The following SNTB1 variants were observed in gnomAD, a reference collection of about 807,000 sequenced individuals.
The protein encoded by SNTB1 is syntrophin beta 1.
Under a neutral mutation model 48.9 loss-of-function variants are expected in SNTB1, and 36 were observed. That is an observed-to-expected ratio of 0.74 (90% CI 0.56 to 0.97). The LOEUF (loss-of-function observed/expected upper bound fraction) is 0.97, where lower values mean the gene tolerates loss of function less well. SNTB1 is among the 50% of genes least tolerant of loss of function. The probability of loss-of-function intolerance (pLI) is 0.00; values close to 1 mark genes in which losing one functional copy is unlikely to be tolerated. For synonymous variants in SNTB1, 299 were observed against 294.6 expected (o/e 1.01, Z -0.15); for missense variants, 786 against 703.4 (o/e 1.12, Z -1.33).
intron 6 of SNTB1, 125 bp from the exon 7 acceptor site, chr8:120,539,094 C>T: frequency 1.5e-6 from 1 of 657,138 alleles, no homozygotes; most frequent in Non-Finnish European, 2.6e-6. Flanking sequence ...AGCAATTATG[C>T]TCTAAAATCA....
chr8:120,574,562 T>C (rs1815919515), intron 4 of SNTB1, among the ~76,000 whole-genome samples: 1 of 152,152 alleles, frequency 6.6e-6, no homozygotes, highest in Non-Finnish European at 1.5e-5. Context: ...ATATTTCACA[T>C]GAATAATAAA....
chr8:120,746,109 G>C (rs1819121689), intron 1 of SNTB1, among the ~76,000 whole-genome samples: 2 of 152,160 alleles, frequency 1.3e-5, no homozygotes, highest in Non-Finnish European at 2.9e-5. Context: ...GGTTTGAACT[G>C]CATAGGTTCA....
At chr8:120,732,175 T>C (rs1051582584) in intron 1 of SNTB1, among the ~76,000 whole-genome samples, 16 of 152,310 alleles carry the variant, frequency 1.1e-4, no homozygotes, top group African/African-American at 3.1e-4. Flanking sequence ...GACTTGCGGG[T>C]AAATCGGCTA....
At chr8:120,640,328 G>A (rs1279939507) in intron 2 of SNTB1, among the ~76,000 whole-genome samples, 3 of 152,120 alleles carry the variant, frequency 2.0e-5, no homozygotes, top group African/African-American at 7.2e-5. Context: ...CTGCAAACAG[G>A]GACAATTTGA....
rs1474101222 is a variant in SNTB1 at position 120,812,005 on chromosome 8, G to A, written c.-162C>T. 2 of 1,267,580 alleles carry A rather than the reference G, an allele frequency of 1.6e-6. No homozygotes were observed. Among genetic ancestry groups the A allele is most frequent in the Non-Finnish European group, 2.0e-6 (2 of 1,012,484 alleles). The allele number at this position is 1,267,580 out of a possible 1,614,324, so 78.5% of individuals were successfully genotyped here. ...CTCCGGGAGTTCGCAGACGCACTCG[G>A]CGGGAGTTGGCAGCTGCACTCAGGC... is the stretch of plus-strand genomic sequence containing the variant. On this transcript the variant is annotated 5_prime_UTR_variant, in exon 1 of 7. Transcript: ENST00000517992.
chr8:120,755,165 TGTGTGTGAGAGA>T (rs748441578), intron 1 of SNTB1, among the ~76,000 whole-genome samples: 245 of 105,608 alleles, frequency 2.3e-3, no homozygotes, highest in African/African-American at 7.8e-3. Context: ...TGTGTGTGTG[TGTGTGTGAGAGA>T]GAGAGAGAGA....
intron 3 of SNTB1, among the ~76,000 whole-genome samples, chr8:120,626,577 C>G (rs1422673817): frequency 6.6e-6 from 1 of 151,936 alleles, no homozygotes; most frequent in African/African-American, 2.4e-5. Flanking sequence ...TTTGAATAGA[C>G]CTTTTTGTCT....
At chr8:120,755,149 TGTG>T (rs1360083129) in intron 1 of SNTB1, among the ~76,000 whole-genome samples, 15 of 66,216 alleles carry the variant, frequency 2.3e-4, no homozygotes, top group African/African-American at 2.3e-3. Flanking sequence ...GTGTTGTGTG[TGTG>T]TGTGTGTGTG....
At chr8:120,661,404 A>G (rs1282655907) in intron 2 of SNTB1, among the ~76,000 whole-genome samples, 2 of 152,206 alleles carry the variant, frequency 1.3e-5, no homozygotes, top group Non-Finnish European at 2.9e-5. Context: ...ACTTCCAGAG[A>G]AGAGAAATTA....
At chr8:120,694,475 TC>T (rs1563853781) in intron 1 of SNTB1, among the ~76,000 whole-genome samples, 1 of 151,926 alleles carries the variant, frequency 6.6e-6, no homozygotes, top group Non-Finnish European at 1.5e-5. Context: ...AATGTAAATA[TC>T]CATTAAAAAG....
At chr8:120,623,452 C>A (rs566365932) in intron 3 of SNTB1, among the ~76,000 whole-genome samples, 23 of 152,214 alleles carry the variant, frequency 1.5e-4, no homozygotes, top group Non-Finnish European at 1.6e-4. Flanking sequence ...TTCAAAGAAT[C>A]CAATCACATC....
At chr8:120,667,066 T>C (rs894783702) in intron 2 of SNTB1, among the ~76,000 whole-genome samples, 1 of 151,490 alleles carries the variant, frequency 6.6e-6, no homozygotes, top group Non-Finnish European at 1.5e-5. Context: ...TGCTCCTTCT[T>C]TGCATGTTTG....
At chr8:120,793,673 CAG>C (rs1820075582) in intron 1 of SNTB1, among the ~76,000 whole-genome samples, 1 of 151,954 alleles carries the variant, frequency 6.6e-6, no homozygotes. Flanking sequence ...TGTGTAACTG[CAG>C]ATCAGCCTAT....
At chr8:120,540,272 A>T (rs1308967461) in intron 6 of SNTB1, among the ~76,000 whole-genome samples, 1 of 152,038 alleles carries the variant, frequency 6.6e-6, no homozygotes, top group Non-Finnish European at 1.5e-5. Flanking sequence ...TCTGTGGCCC[A>T]CCTCCAGGAT....
chr8:120,575,165 G>T lies in SNTB1; in HGVS notation c.1057C>A (p.Leu353Ile). Reference protein sequence around the residue: ...PALVVLTEKDLLIYDSMPRRK... With the variant: ...PALVVLTEKDILIYDSMPRRK... ...CGTGGCATGCTGTCATAGATTAAAA[G>T]GTCTTTCTCAGTCAGCACAACCAGG... The change falls in exon 4 of 7, where the codon CTT becomes ATT. Residue 353 changes from leucine (L) to isoleucine (I), a missense_variant. By Grantham distance (5) the Leu-to-Ile change is conservative. Coordinates refer to ENST00000517992, the MANE Select transcript of SNTB1 (RefSeq NM_021021.4). The T allele has an allele frequency of 6.2e-7, 1 of 1,614,086 alleles. No individual in the cohort carries two copies. Among genetic ancestry groups the T allele is most frequent in the Non-Finnish European group, 8.5e-7 (1 of 1,179,996 alleles).
chr8:120,790,425 T>C (rs1050765953), intron 1 of SNTB1, among the ~76,000 whole-genome samples: 6 of 151,854 alleles, frequency 4.0e-5, no homozygotes, highest in African/African-American at 1.5e-4. Flanking sequence ...GGCGTCCAAA[T>C]TGGAAAAGAG....
intron 1 of SNTB1, among the ~76,000 whole-genome samples, chr8:120,744,426 T>C (rs566215064): frequency 6.6e-6 from 1 of 152,268 alleles, no homozygotes; most frequent in African/African-American, 2.4e-5. Flanking sequence ...TTAGCCCCTC[T>C]ACCAACCCTG....
chr8:120,544,538 T>C (rs1309395389), intron 5 of SNTB1, among the ~76,000 whole-genome samples: 1 of 152,198 alleles, frequency 6.6e-6, no homozygotes, highest in Non-Finnish European at 1.5e-5. Context: ...CAGAATTATT[T>C]CCTATTCTCC....
chr8:120,667,536 T>C (rs901647835), intron 2 of SNTB1, among the ~76,000 whole-genome samples: 7 of 152,162 alleles, frequency 4.6e-5, no homozygotes, highest in African/African-American at 1.7e-4. Flanking sequence ...TTTATTTTAT[T>C]TTATTTTTTG....
Sources: gnomAD v4.1 joint callset for allele counts (sites outside exome capture counted in the v4.1 genomes callset) on GRCh38, gnomAD v4.1.1 for gene constraint, MANE v1.5 for transcripts, NCBI Gene and HGNC (gene_info 2026-07-23, HGNC 2026-07-21) for gene names.